LTBP2: variants seen among roughly 807,000 people sequenced by gnomAD.
The protein encoded by LTBP2 is latent transforming growth factor beta binding protein 2.
A neutral mutation model predicts 210.6 loss-of-function variants in LTBP2; 103 were observed. The observed-to-expected ratio is 0.49, with a 90% CI of 0.42 to 0.58. The LOEUF (loss-of-function observed/expected upper bound fraction) is 0.58, where lower values mean the gene tolerates loss of function less well. Among genes scored for constraint, LTBP2 ranks in the 20% least tolerant of loss-of-function variants. The pLI, the probability that LTBP2 is intolerant of heterozygous loss-of-function variation, is 0.00. For synonymous variants in LTBP2, 1,007 were observed against 1,015.0 expected (o/e 0.99, Z 0.15); for missense variants, 2,313 against 2,494.5 (o/e 0.93, Z 1.55).
In LTBP2 at chr14:74,552,922, C is replaced by T. The variant is rs1362114909; in HGVS notation, c.1162G>A (p.Gly388Arg). The change falls in exon 5 of 36, where the codon GGG becomes AGG. Residue 388 changes from glycine (G) to arginine (R), a missense_variant. Transcript: ENST00000261978. Reference sequence around the variant, plus strand: ...CGGAAGCCAGACTTGGGATCGTGCCCATGGCCGCCCTGGCTGTACAGGGTG... The same window carrying T: ...CGGAAGCCAGACTTGGGATCGTGCCTATGGCCGCCCTGGCTGTACAGGGTG... ...TTTLYSQGGHGHDPKSGFRIY... is the reference protein window; with the variant it reads ...TTTLYSQGGHRHDPKSGFRIY... 6.2e-7 allele frequency: 1 copy of T among 1,613,718 alleles called. No homozygotes were observed. Among genetic ancestry groups the T allele is most frequent in the South Asian group, 1.1e-5 (1 of 90,964 alleles).
Position 74,528,592 on chromosome 14 carries a change from TG to T in LTBP2, c.2258del (p.Pro753GlnfsTer78). On this transcript the variant is annotated frameshift_variant, in exon 12 of 36. Transcript: ENST00000261978. LOFTEE classifies it high-confidence loss of function. ...KAEEEELARPPREQGQRSSGA... is the reference protein window; with the variant it reads ...KAEEEELARPXREQGQRSSGA... ...CGCTGCTCCTCTGCCCTTGCTCCCTTGGGGGCCTTGCCAGTTCCTCCTCCTC... is the reference window on the plus strand; with the variant it reads ...CGCTGCTCCTCTGCCCTTGCTCCCTTGGGGCCTTGCCAGTTCCTCCTCCTC... The T allele has an allele frequency of 6.2e-7, 1 of 1,613,532 alleles. No homozygotes were observed. Among genetic ancestry groups the T allele is most frequent in the Non-Finnish European group, 8.5e-7 (1 of 1,180,032 alleles).
At chr14:74,543,132 A>C (rs1197626050) in intron 8 of LTBP2, among the ~76,000 whole-genome samples, 1 of 151,548 alleles carries the variant, frequency 6.6e-6, no homozygotes, top group East Asian at 2.0e-4. Context: ...TAATCCCAGC[A>C]CTTTGGGAGG....
intron 8 of LTBP2, among the ~76,000 whole-genome samples, chr14:74,545,405 A>G (rs1368055446): frequency 6.6e-6 from 1 of 152,220 alleles, no homozygotes. Flanking sequence ...TTGGTTTAAG[A>G]GAGAAAGGTG....
rs140476410 is a variant in LTBP2, at chr14:74,502,902, T to C, written c.4921A>G (p.Ile1641Val). 4.3e-6 allele frequency: 7 copies of C among 1,612,714 alleles called. No individual in the cohort carries two copies. The highest frequency in any genetic ancestry group is 4.0e-5 in the African/African-American group (3 of 74,882). ...ACCCCGGCCTCCCGCTCTGCCTCAA[T>C]GCGAGCCACGTTGCACAGCTGAGCA... is the stretch of plus-strand genomic sequence containing the variant. ...VYAQLCNVAR[I>V]EAEREAGVHF... Residue 1641 changes from isoleucine to valine, a missense_variant, in exon 34 of 36, where the codon ATT (isoleucine) becomes GTT (valine). Ile to Val is a conservative substitution (Grantham distance 29). Around this residue, in one of 3 missense-constraint regions of LTBP2, gnomAD observed 443 missense variants for 501.4 expected, o/e 0.88. Coordinates refer to ENST00000261978, the MANE Select transcript of LTBP2 (RefSeq NM_000428.3).
At chr14:74,521,134 T>C (rs952771265) in intron 17 of LTBP2, among the ~76,000 whole-genome samples, 17 of 152,148 alleles carry the variant, frequency 1.1e-4, no homozygotes, top group Non-Finnish European at 7.4e-5. Context: ...CCTTGGGGGA[T>C]TGGAACCCGA....
intron 3 of LTBP2, among the ~76,000 whole-genome samples, chr14:74,569,429 G>A (rs1261613773): frequency 6.6e-6 from 1 of 152,154 alleles, no homozygotes; most frequent in Non-Finnish European, 1.5e-5. Flanking sequence ...GGTTCTTTGG[G>A]TGGGCAGACA....
Position 74,500,759 on chromosome 14 carries a change from G to C in LTBP2, c.*125C>G. On this transcript the variant is annotated 3_prime_UTR_variant, in exon 36 of 36. Transcript: ENST00000261978. Reference sequence around the variant, plus strand: ...GGCTAAGCTGGGAGAGATGAAAGCAGGCAAGGCTGATTGGAAACCTCTGGC... The same window carrying C: ...GGCTAAGCTGGGAGAGATGAAAGCACGCAAGGCTGATTGGAAACCTCTGGC... The C allele has an allele frequency of 7.6e-7, 1 of 1,319,334 alleles. No homozygotes were observed. The allele number at this position is 1,319,334 out of a possible 1,614,324, so 81.7% of individuals were successfully genotyped here. A position where few individuals can be genotyped will look rare whatever the true frequency, so the allele number is the denominator to read the frequency against.
chr14:74,521,066 CCTT>C (rs1383808979), intron 17 of LTBP2, among the ~76,000 whole-genome samples: 1 of 152,208 alleles, frequency 6.6e-6, no homozygotes, highest in Non-Finnish European at 1.5e-5. Flanking sequence ...CTTCTACTTC[CCTT>C]CCCTCCATAA....
intron 8 of LTBP2, among the ~76,000 whole-genome samples, chr14:74,549,002 A>G (rs2087614044): frequency 6.6e-6 from 1 of 152,230 alleles, no homozygotes; most frequent in Non-Finnish European, 1.5e-5. Flanking sequence ...TCCACAGCTG[A>G]GTCTGATGCA....
chr14:74,545,541 G>C (rs141824634), intron 8 of LTBP2, among the ~76,000 whole-genome samples: 6 of 152,306 alleles, frequency 3.9e-5, no homozygotes, highest in African/African-American at 1.4e-4. Flanking sequence ...CAAACAGCTG[G>C]AGCCCACCAC....
chr14:74,517,821 C>T (rs2087154855), intron 17 of LTBP2, among the ~76,000 whole-genome samples: 1 of 152,218 alleles, frequency 6.6e-6, no homozygotes, highest in Admixed American at 6.5e-5. Context: ...AGCCCAACCC[C>T]ACTCACGCCC....
chr14:74,582,481 G>A (rs2088151051), intron 3 of LTBP2, among the ~76,000 whole-genome samples: 1 of 151,042 alleles, frequency 6.6e-6, no homozygotes, highest in Admixed American at 6.6e-5. Flanking sequence ...ATCCACCCAA[G>A]TCCTCACAGC....
At chr14:74,581,160 G>A (rs1444325456) in intron 3 of LTBP2, among the ~76,000 whole-genome samples, 2 of 152,206 alleles carry the variant, frequency 1.3e-5, no homozygotes, top group Admixed American at 6.5e-5. Context: ...GGCCACCCTT[G>A]TGGCAAGCCC....
chr14:74,589,816 G>T (rs917155750), intron 2 of LTBP2, among the ~76,000 whole-genome samples: 1 of 152,132 alleles, frequency 6.6e-6, no homozygotes, highest in Non-Finnish European at 1.5e-5. Context: ...GAATGGGAAG[G>T]CCTGAGTGAT....
intron 3 of LTBP2, among the ~76,000 whole-genome samples, chr14:74,569,555 G>C (rs1456490838): frequency 6.6e-6 from 1 of 152,116 alleles, no homozygotes; most frequent in African/African-American, 2.4e-5. Flanking sequence ...GCCAAAAGGG[G>C]GTTACTCCTC....
chr14:74,550,148 C>A (rs1455294377), intron 7 of LTBP2, among the ~76,000 whole-genome samples, 183 bp from the exon 8 acceptor site: 1 of 152,196 alleles, frequency 6.6e-6, no homozygotes, highest in African/African-American at 2.4e-5. Context: ...AGAAACCTGC[C>A]ATGCACTCTC....
At chr14:74,543,741 G>A (rs2087544828) in intron 8 of LTBP2, among the ~76,000 whole-genome samples, 1 of 152,164 alleles carries the variant, frequency 6.6e-6, no homozygotes, top group South Asian at 2.1e-4. Flanking sequence ...GTACAACTCT[G>A]AGCACAACAC....
intron 34 of LTBP2, 74 bp from the exon 35 acceptor site, chr14:74,501,664 C>G: frequency 6.3e-7 from 1 of 1,590,530 alleles, no homozygotes; most frequent in Non-Finnish European, 8.6e-7. Flanking sequence ...GGGACCCTCG[C>G]CCTTCTGGAC....
chr14:74,603,635 G>T lies in LTBP2; in HGVS notation c.565C>A (p.Pro189Thr). ...TANSTNHCIKPVCEPPCQNRG... is the reference protein window; with the variant it reads ...TANSTNHCIKTVCEPPCQNRG... ...GTCTGCTACTGGTGGAGGCACTCAC[G>T]TTTGATACAGTGGTTGGTGCTGTTT... The change falls in exon 2 of 36, where the codon CCC becomes ACC. Residue 189 changes from proline (P) to threonine (T), a missense_variant and splice_region_variant. Pro to Thr is a conservative substitution (Grantham distance 38, BLOSUM62 -1). Transcript: ENST00000261978. 6.2e-7 allele frequency: 1 copy of T among 1,614,200 alleles called. No individual in the cohort carries two copies. The highest frequency in any genetic ancestry group is 8.5e-7 in the Non-Finnish European group (1 of 1,180,024).
Sources: allele counts gnomAD v4.1 joint callset (sites outside exome capture counted in the v4.1 genomes callset), GRCh38; gene constraint gnomAD v4.1.1; regional missense constraint gnomAD v4.1.1; transcripts MANE v1.5; gene names NCBI Gene and HGNC (gene_info 2026-07-23, HGNC 2026-07-21).